CDH7: variants seen among roughly 807,000 people sequenced by gnomAD.
CDH7 encodes the protein cadherin-7.
In CDH7, 25 loss-of-function variants were observed where a neutral mutation model predicts 71.8. The ratio of observed to expected loss-of-function variants is 0.35; its 90% CI spans 0.25 to 0.49. CDH7 has a LOEUF of 0.49. Among genes scored for constraint, CDH7 ranks in the 20% least tolerant of loss-of-function variants. The pLI, the probability that CDH7 is intolerant of heterozygous loss-of-function variation, is 0.99. For missense variants in CDH7, 862 were observed against 974.6 expected (o/e 0.88, Z 1.54); for synonymous variants, 381 against 363.8 (o/e 1.05, Z -0.54).
At position 65,888,517 on chromosome 18, in the gene CDH7, T is replaced by C. The variant is rs1914431584; in HGVS notation, c.*7623T>C. ...CCTCCTGACAACTCGGTACAGAAAA[T>C]GAGTATCATTGTAATTAAAGTTTGA... On this transcript the variant is annotated 3_prime_UTR_variant, in exon 12 of 12. Transcript: ENST00000397968. 1 of 152,070 alleles carries C rather than the reference T, an allele frequency of 6.6e-6. No homozygotes were observed. Among genetic ancestry groups the C allele is most frequent in the Non-Finnish European group, 1.5e-5 (1 of 68,016 alleles). 9.4% of individuals were successfully genotyped at this position (152,070 alleles called of 1,614,324 possible). A position where few individuals can be genotyped will look rare whatever the true frequency, so the allele number is the denominator to read the frequency against.
At chr18:65,859,327 C>T (rs979144194) in intron 9 of CDH7, among the ~76,000 whole-genome samples, 3 of 152,264 alleles carry the variant, frequency 2.0e-5, no homozygotes, top group South Asian at 2.1e-4. Flanking sequence ...CAGCATAGTA[C>T]GCTGATTGGG....
chr18:65,762,974 G>A lies in CDH7; in HGVS notation c.132G>A (p.Arg44=). The part of the protein sequence containing the change: ...SKPYFQSGRS[R]TKRSWVWNQF... ...CCTATTTCCAATCAGGGAGGTCCCG[G>A]ACCAAGCGCAGCTGGGTGTGGAATC... Residue 44 remains arginine (R), a synonymous_variant, in exon 2 of 12, where the codon CGG becomes CGA. Coordinates refer to ENST00000397968, the MANE Select transcript of CDH7 (RefSeq NM_004361.5). The A allele has an allele frequency of 1.2e-6, 2 of 1,613,702 alleles. No individual in the cohort carries two copies.
At chr18:65,843,173 G>T (rs1333367518) in intron 6 of CDH7, among the ~76,000 whole-genome samples, 1 of 152,102 alleles carries the variant, frequency 6.6e-6, no homozygotes, top group African/African-American at 2.4e-5. Context: ...TGGAAAATTA[G>T]ATACAATGTA....
At position 65,768,940 on chromosome 18, in the gene CDH7, C is replaced by CT. The variant is rs781499591; in HGVS notation, c.210+5898dup. The stretch of plus-strand genomic sequence containing the variant: ...TGTTTACTTTCTTCTTTTCTCTCTC[C>CT]TTTTTTTTTTCAAATATTTATCGCA... On this transcript the variant is annotated intron_variant, in intron 2 of 11. Coordinates refer to ENST00000397968, the MANE Select transcript of CDH7 (RefSeq NM_004361.5). Among the ~76,000 whole-genome samples, 116 of 148,106 alleles carry CT rather than the reference C, an allele frequency of 7.8e-4. No individual in the cohort carries two copies. The East Asian group carries it at 0.012, about 15-fold the overall frequency.
At chr18:65,812,189 A>G (rs150596778) in intron 3 of CDH7, among the ~76,000 whole-genome samples, 2,435 of 151,940 alleles carry the variant, frequency 0.016, 54 homozygotes, top group African/African-American at 0.055. Context: ...GGATGGTCTC[A>G]ATCTCTTGAC....
At chr18:65,768,797 G>C (rs2143802298) in intron 2 of CDH7, among the ~76,000 whole-genome samples, 1 of 152,166 alleles carries the variant, frequency 6.6e-6, no homozygotes, top group Middle Eastern at 3.4e-3. Context: ...CGTTTTGTAT[G>C]ATTTATATTG....
rs540989846 is a variant in CDH7, at chr18:65,823,855, T to A, written c.794-789T>A. Among the ~76,000 whole-genome samples, 11 of 151,838 alleles carry A rather than the reference T, an allele frequency of 7.2e-5. No homozygotes were observed. In the East Asian group the frequency reaches 1.9e-3, roughly 27 times the overall value. On this transcript the variant is annotated intron_variant, in intron 5 of 11. Coordinates refer to ENST00000397968, the MANE Select transcript of CDH7 (RefSeq NM_004361.5). ...GATGCAGGAGGCAGGAAAAAGTAAA[T>A]AATTAGAGAAAAAATAATGAAGGAA...
chr18:65,878,570 G>A (rs770453992), intron 11 of CDH7, among the ~76,000 whole-genome samples: 2 of 152,116 alleles, frequency 1.3e-5, no homozygotes, highest in Non-Finnish European at 2.9e-5. Flanking sequence ...CCACTTAACA[G>A]GGAAGGAAGG....
At chr18:65,805,895 A>C (rs982491079) in intron 2 of CDH7, among the ~76,000 whole-genome samples, 1 of 138,650 alleles carries the variant, frequency 7.2e-6, no homozygotes, top group Non-Finnish European at 1.6e-5. Flanking sequence ...CAGGCTAGGC[A>C]ATGTGAGTTA....
intron 2 of CDH7, among the ~76,000 whole-genome samples, chr18:65,801,339 G>T (rs571152163): frequency 1.3e-5 from 2 of 152,260 alleles, no homozygotes; most frequent in African/African-American, 4.8e-5. Flanking sequence ...CCACATAATA[G>T]CTACTGTGCA....
intron 2 of CDH7, among the ~76,000 whole-genome samples, chr18:65,797,843 C>T (rs924642890): frequency 2.6e-5 from 4 of 152,132 alleles, no homozygotes; most frequent in Non-Finnish European, 5.9e-5. Context: ...AATGATAGTA[C>T]AATGGAAGAA....
chr18:65,860,433 T>TA (rs1913523306), intron 10 of CDH7, among the ~76,000 whole-genome samples: 1 of 151,966 alleles, frequency 6.6e-6, no homozygotes, highest in East Asian at 1.9e-4. Context: ...ATCATTATAG[T>TA]AAAAAAAACT....
rs771300407 is a variant in CDH7 at position 65,889,183 on chromosome 18, G to T, written c.*8289G>T. On this transcript the variant is annotated 3_prime_UTR_variant, in exon 12 of 12. Transcript: ENST00000397968. The stretch of plus-strand genomic sequence containing the variant: ...AGACCAGATTTTCTGAGGGTTACCC[G>T]CTATGCAGATTCATAAACTTGTTAT... 4 of 152,090 alleles carry T rather than the reference G, an allele frequency of 2.6e-5. No homozygotes were observed. The highest frequency in any genetic ancestry group is 2.0e-4 in the Admixed American group (3 of 15,268). The allele number at this position is 152,090 out of a possible 1,614,324, so 9.4% of individuals were successfully genotyped here.
At chr18:65,855,082 G>A (rs1913304161) in intron 7 of CDH7, among the ~76,000 whole-genome samples, 1 of 151,984 alleles carries the variant, frequency 6.6e-6, no homozygotes, top group South Asian at 2.1e-4. Context: ...GTAAATATTA[G>A]CAGGTAGTTT....
rs184249303 is a variant in CDH7 at position 65,755,816 on chromosome 18, C to T, written c.-197+4666C>T. Among the ~76,000 whole-genome samples the T allele has an allele frequency of 1.3e-3, 196 of 152,216 alleles. 1 individual carries two copies. Among genetic ancestry groups the T allele is most frequent in the Non-Finnish European group, 2.3e-3 (155 of 68,002 alleles). On this transcript the variant is annotated intron_variant, in intron 1 of 11. Transcript: ENST00000397968. ...GGAGGACCTCAGTGGTAACAGGTGA[C>T]AGTGGCAGCTGTACTGGGGACACAA...
At chr18:65,796,023 A>G (rs2143869401) in intron 2 of CDH7, among the ~76,000 whole-genome samples, 1 of 152,316 alleles carries the variant, frequency 6.6e-6, no homozygotes, top group East Asian at 1.9e-4. Flanking sequence ...CTGTGAGTCA[A>G]TTAAACCTTT....
rs1337756093 is a variant in CDH7 at position 65,888,207 on chromosome 18, T to C, written c.*7313T>C. On this transcript the variant is annotated 3_prime_UTR_variant, in exon 12 of 12. Coordinates refer to ENST00000397968, the MANE Select transcript of CDH7 (RefSeq NM_004361.5). ...AACAAATATAAGAAAGAGTACTGTT[T>C]CAGAACTAACCAGCGAAGAGATGTA... is the stretch of plus-strand genomic sequence containing the variant. The C allele has an allele frequency of 6.6e-6, 1 of 152,164 alleles. No individual in the cohort carries two copies. Among genetic ancestry groups the C allele is most frequent in the African/African-American group, 2.4e-5 (1 of 41,440 alleles). The allele number at this position is 152,164 out of a possible 1,614,324, so 9.4% of individuals were successfully genotyped here.
chr18:65,751,330 C>T (rs1017926576), intron 1 of CDH7, among the ~76,000 whole-genome samples, 180 bp downstream of exon 1: 1 of 152,240 alleles, frequency 6.6e-6, no homozygotes, highest in Non-Finnish European at 1.5e-5. Flanking sequence ...CTCTGCAAGG[C>T]AGGACAGGCT....
rs1913467384 is a variant in CDH7 at position 65,859,033 on chromosome 18, C to T, written c.1481C>T (p.Ala494Val). 7 of 1,613,294 alleles carry T rather than the reference C, an allele frequency of 4.3e-6. No individual in the cohort carries two copies. The highest frequency in any genetic ancestry group is 2.2e-5 in the East Asian group (1 of 44,832). ...TATGAGACCACCGTCTGTGAAAATG[C>T]CCAGCCGGGGCAGGTAAGAGTCTTC... is the stretch of plus-strand genomic sequence containing the variant. ...MDYETTVCEN[A>V]QPGQVIQKIS... The change falls in exon 9 of 12, where the codon GCC becomes GTC. Residue 494 changes from alanine (A) to valine (V), a missense_variant. By Grantham distance (64) the Ala-to-Val change is moderately conservative. Transcript: ENST00000397968.
Sources: allele counts gnomAD v4.1 joint callset (sites outside exome capture counted in the v4.1 genomes callset), GRCh38; gene constraint gnomAD v4.1.1; transcripts MANE v1.5; gene names NCBI Gene and HGNC (gene_info 2026-07-23, HGNC 2026-07-21).